Variants in KALRN observed in about 807,000 individuals in gnomAD.
KALRN encodes kalirin RhoGEF kinase.
Under a neutral mutation model 353.7 loss-of-function variants are expected in KALRN, and 70 were observed. That is an observed-to-expected ratio of 0.20 (90% CI 0.16 to 0.24). The LOEUF (loss-of-function observed/expected upper bound fraction) is 0.24. Among genes scored for constraint, KALRN ranks in the 10% least tolerant of loss-of-function variants. The pLI is 1.00. For missense variants in KALRN, 2,791 were observed against 3,756.7 expected, an observed-to-expected ratio of 0.74 and a Z score of 6.72; for synonymous variants, 1,391 against 1,434.8, an observed-to-expected ratio of 0.97 and a Z score of 0.69.
chr3:124,614,555 T>C (rs1418891709), intron 34 of KALRN, among the ~76,000 whole-genome samples: 2 of 136,546 alleles, frequency 1.5e-5, no homozygotes, highest in Non-Finnish European at 3.0e-5. Context: ...CCACTGCACC[T>C]GGCTTTTTTC....
At chr3:124,052,639 T>A (rs939423784) in intron 1 of KALRN, among the ~76,000 whole-genome samples, 1 of 152,096 alleles carries the variant, frequency 6.6e-6, no homozygotes, top group South Asian at 2.1e-4. Flanking sequence ...TTTCCTTCCA[T>A]GCAGAACTCT....
In KALRN at chr3:124,696,578, G is replaced by A. The variant is rs913548533; in HGVS notation, c.7699+323G>A. 1.2e-3 allele frequency among the ~76,000 whole-genome samples: 184 copies of A among 152,226 alleles called. 3 individuals are homozygous for A. The highest frequency in any genetic ancestry group is 1.3e-4 in the Non-Finnish European group (9 of 68,020). On this transcript the variant is annotated intron_variant, in intron 54 of 59. Transcript: ENST00000682506. The stretch of plus-strand genomic sequence containing the variant: ...AAAATTCAAATAGAGACAGGGTCTC[G>A]CTATGTTGCCCAGGCTGGTCTCAAA...
At chr3:124,097,999 G>T (rs949560592) in intron 1 of KALRN, among the ~76,000 whole-genome samples, 2 of 152,164 alleles carry the variant, frequency 1.3e-5, no homozygotes, top group Non-Finnish European at 2.9e-5. Context: ...TAAGAAGCAT[G>T]AGTTGTATAT....
At chr3:124,522,043 A>G (rs1158995113) in intron 33 of KALRN, among the ~76,000 whole-genome samples, 2 of 152,122 alleles carry the variant, frequency 1.3e-5, no homozygotes, top group Non-Finnish European at 2.9e-5. Flanking sequence ...AAGAAAAATA[A>G]GAAAGGAAGG....
intron 4 of KALRN, among the ~76,000 whole-genome samples, chr3:124,267,371 A>T (rs1048439488): frequency 2.0e-5 from 3 of 152,180 alleles, no homozygotes; most frequent in Admixed American, 2.0e-4. Flanking sequence ...AAGGCCTAAG[A>T]TTCTGCATTT....
At chr3:124,056,936 A>G (rs2041605833) in intron 1 of KALRN, among the ~76,000 whole-genome samples, 1 of 152,220 alleles carries the variant, frequency 6.6e-6, no homozygotes, top group Non-Finnish European at 1.5e-5. Context: ...TTAGTCTATA[A>G]AGAGGATTTT....
intron 34 of KALRN, among the ~76,000 whole-genome samples, chr3:124,603,713 T>C (rs1310356348): frequency 6.6e-6 from 1 of 152,240 alleles, no homozygotes; most frequent in East Asian, 1.9e-4. Context: ...TTTGAGGTTC[T>C]GTCTCAGAGA....
intron 54 of KALRN, 43 bp from the exon 55 acceptor site, chr3:124,697,550 G>C (rs1301384560): frequency 6.5e-7 from 1 of 1,535,454 alleles, no homozygotes. Flanking sequence ...AAAATGCCAA[G>C]TTCTGCAGAA....
At chr3:124,462,699 A>G (rs760080312) in intron 25 of KALRN, 66 bp downstream of exon 25, 1 of 906,976 alleles carries the variant, frequency 1.1e-6, no homozygotes, top group Admixed American at 2.0e-5. Context: ...AGGGTTCCCA[A>G]GAAGTGGATC....
chr3:124,051,296 C>A (rs1031059947), intron 1 of KALRN, among the ~76,000 whole-genome samples: 3 of 152,174 alleles, frequency 2.0e-5, no homozygotes, highest in African/African-American at 7.2e-5. Flanking sequence ...ATTCTGCTTT[C>A]TGAGAGGTTG....
In KALRN at chr3:124,298,787, C is replaced by T. The variant is rs766445858; in HGVS notation, c.970-4C>T. On this transcript the variant is annotated splice_region_variant and splice_polypyrimidine_tract_variant and intron_variant, in intron 5 of 59. Coordinates refer to ENST00000682506, the MANE Select transcript of KALRN (RefSeq NM_001388419.1). ...ATTATGCTGTGCCTTCTTGTCCTCT[C>T]TAGATGTTTGACTGGATAAGCCACA... is the stretch of plus-strand genomic sequence containing the variant. The T allele has an allele frequency of 3.7e-6, 6 of 1,614,038 alleles. No homozygotes were observed. The highest frequency in any genetic ancestry group is 4.2e-6 in the Non-Finnish European group (5 of 1,180,000).
chr3:124,357,037 G>C (rs9824919), intron 10 of KALRN, among the ~76,000 whole-genome samples: 1 of 152,012 alleles, frequency 6.6e-6, no homozygotes, highest in African/African-American at 2.4e-5. Flanking sequence ...CACCCCTTCC[G>C]GTGTGCTCTT....
chr3:124,531,105 A>G (rs1327819337), intron 33 of KALRN, among the ~76,000 whole-genome samples: 1 of 152,172 alleles, frequency 6.6e-6, no homozygotes, highest in Non-Finnish European at 1.5e-5. Context: ...GATAATTCTG[A>G]ATGTTCTTAC....
chr3:124,192,226 A>T (rs2074994992), intron 1 of KALRN, among the ~76,000 whole-genome samples: 1 of 152,222 alleles, frequency 6.6e-6, no homozygotes, highest in Non-Finnish European at 1.5e-5. Flanking sequence ...TTGCAACAAC[A>T]TGGATGGAAC....
At chr3:124,632,295 G>T (rs1461135049) in intron 34 of KALRN, 125 bp from the exon 35 acceptor site, 7 of 860,182 alleles carry the variant, frequency 8.1e-6, no homozygotes, top group Non-Finnish European at 1.3e-5. Context: ...CTGGACTGGG[G>T]TCTACAGCTG....
At chr3:124,505,453 A>C (rs1335399654) in intron 33 of KALRN, among the ~76,000 whole-genome samples, 1 of 152,088 alleles carries the variant, frequency 6.6e-6, no homozygotes, top group Admixed American at 6.5e-5. Flanking sequence ...AGCATGGTGA[A>C]ACCCTATCTC....
chr3:124,103,812 C>T (rs768987254), intron 1 of KALRN, among the ~76,000 whole-genome samples: 5 of 151,936 alleles, frequency 3.3e-5, no homozygotes, highest in Non-Finnish European at 7.4e-5. Context: ...AAAAATTAGC[C>T]GGGTGTGACG....
intron 5 of KALRN, among the ~76,000 whole-genome samples, chr3:124,290,385 C>T (rs1359777357): frequency 3.3e-5 from 5 of 152,028 alleles, no homozygotes; most frequent in South Asian, 2.1e-4. Flanking sequence ...TGGGTTTCAT[C>T]GTGGGTGTCA....
intron 51 of KALRN, among the ~76,000 whole-genome samples, chr3:124,684,975 C>G (rs1265978132): frequency 6.6e-6 from 1 of 152,122 alleles, no homozygotes; most frequent in Non-Finnish European, 1.5e-5. Flanking sequence ...GCTACTCTGG[C>G]CTCCTTATCC....
Sources: gnomAD v4.1 joint callset for allele counts (sites outside exome capture counted in the v4.1 genomes callset) on GRCh38, gnomAD v4.1.1 for gene constraint, MANE v1.5 for transcripts, NCBI Gene and HGNC (gene_info 2026-07-23, HGNC 2026-07-21) for gene names.